PRDM16: variants seen among roughly 807,000 people sequenced by gnomAD.
The protein encoded by PRDM16 is histone-lysine N-methyltransferase PRDM16.
PRDM16 carries 23 observed loss-of-function variants against 110.6 expected under a neutral mutation model. The ratio of observed to expected loss-of-function variants is 0.21; its 90% CI spans 0.15 to 0.29. PRDM16 has a LOEUF of 0.29. PRDM16 is among the 10% of genes least tolerant of loss of function. PRDM16 has a pLI of 1.00. For synonymous variants in PRDM16, 799 were observed against 781.8 expected, an observed-to-expected ratio of 1.02 and a Z score of -0.37; for missense variants, 1,615 against 1,794.3, an observed-to-expected ratio of 0.90 and a Z score of 1.81.
At chr1:3,254,613 C>G (rs1025033669) in intron 3 of PRDM16, among the ~76,000 whole-genome samples, 1 of 152,138 alleles carries the variant, frequency 6.6e-6, no homozygotes, top group South Asian at 2.1e-4. Flanking sequence ...CATGAAGGAC[C>G]TCTTCAAGGA....
chr1:3,338,888 G>C (rs1334544078), intron 3 of PRDM16, among the ~76,000 whole-genome samples: 1 of 152,258 alleles, frequency 6.6e-6, no homozygotes, highest in East Asian at 1.9e-4. Flanking sequence ...AGCAGAGAAA[G>C]GGCTGTCTGA....
At chr1:3,280,671 C>T (rs1221845902) in intron 3 of PRDM16, among the ~76,000 whole-genome samples, 1 of 152,212 alleles carries the variant, frequency 6.6e-6, no homozygotes, top group Non-Finnish European at 1.5e-5. Context: ...GAACTAAGAC[C>T]TTCTCTGAGG....
intron 1 of PRDM16, among the ~76,000 whole-genome samples, chr1:3,086,130 G>C (rs1413650158): frequency 1.3e-5 from 2 of 151,802 alleles, no homozygotes; most frequent in East Asian, 3.9e-4. Flanking sequence ...CAAGGTCTCT[G>C]TCTACACACT....
intron 3 of PRDM16, among the ~76,000 whole-genome samples, chr1:3,366,616 G>A (rs1226200122): frequency 1.3e-5 from 2 of 152,162 alleles, no homozygotes; most frequent in African/African-American, 2.4e-5. Context: ...TGACAGCCCT[G>A]AGGACTAAAA....
chr1:3,331,508 G>A (rs2100489116), intron 3 of PRDM16, among the ~76,000 whole-genome samples: 1 of 152,298 alleles, frequency 6.6e-6, no homozygotes, highest in South Asian at 2.1e-4. Context: ...CCACTTCCAG[G>A]CTGAGTAACT....
intron 2 of PRDM16, among the ~76,000 whole-genome samples, chr1:3,230,802 A>G (rs1031521824): frequency 8.5e-5 from 13 of 152,134 alleles, no homozygotes; most frequent in Non-Finnish European, 1.5e-5. Flanking sequence ...GTGCGACCGC[A>G]CTGCAGCCTC....
rs563646038 is a variant in PRDM16, at chr1:3,117,213, G to A, written c.37+47917G>A. Among the ~76,000 whole-genome samples, 28 of 152,288 alleles carry A rather than the reference G, an allele frequency of 1.8e-4. No individual in the cohort carries two copies. In the East Asian group the frequency reaches 2.7e-3, roughly 15 times the overall value. On this transcript the variant is annotated intron_variant, in intron 1 of 16. Coordinates refer to ENST00000270722, the MANE Select transcript of PRDM16 (RefSeq NM_022114.4). The stretch of plus-strand genomic sequence containing the variant: ...GTCTCACACCGGCCTCTATGAGAGC[G>A]TCCCCAGGCTGACCCAGGCTTACAG...
chr1:3,353,371 C>T lies in PRDM16; in HGVS notation c.439-31781C>T, dbSNP rs1261773542. On this transcript the variant is annotated intron_variant, in intron 3 of 16. Transcript: ENST00000270722. This position sits in a 1 kb window ranked among gnomAD's most constrained non-coding sequence, Gnocchi z 5.4. ...GGGCCCTCATTGGGTGAGGGAGGCC[C>T]GGGGTATTTCTTGCCACATCTGAAA... Among the ~76,000 whole-genome samples, 5 of 152,322 alleles carry T rather than the reference C, an allele frequency of 3.3e-5. No individual in the cohort carries two copies. The highest frequency in any genetic ancestry group is 1.9e-4 in the East Asian group (1 of 5,168).
Position 3,265,943 on chromosome 1 carries a change from G to A in PRDM16, c.438+21806G>A, listed in dbSNP as rs538691973. 2.0e-5 allele frequency among the ~76,000 whole-genome samples: 3 copies of A among 152,116 alleles called. No homozygotes were observed. Among genetic ancestry groups the A allele is most frequent in the African/African-American group, 7.2e-5 (3 of 41,416 alleles). On this transcript the variant is annotated intron_variant, in intron 3 of 16. Coordinates refer to ENST00000270722, the MANE Select transcript of PRDM16 (RefSeq NM_022114.4). The surrounding 1 kb of genome is among the most constrained non-coding windows in gnomAD (Gnocchi z 4.5). ...GGTGCGTGTCTCATAAAGCCCAGGA[G>A]GGCGAGGCCAGGCCCAGCCCCCAAC...
At chr1:3,418,584 A>G in intron 11 of PRDM16, 83 bp from the exon 12 acceptor site, 3 of 937,874 alleles carry the variant, frequency 3.2e-6, no homozygotes, top group South Asian at 1.4e-5. Flanking sequence ...GACCCCGAGC[A>G]TTAGCTTGAA....
intron 1 of PRDM16, among the ~76,000 whole-genome samples, chr1:3,108,302 C>A (rs896190068): frequency 6.6e-6 from 1 of 152,222 alleles, no homozygotes; most frequent in Non-Finnish European, 1.5e-5. Flanking sequence ...CTTCAACCCA[C>A]CAATGGTGAA....
chr1:3,356,087 T>A (rs955777472), intron 3 of PRDM16, among the ~76,000 whole-genome samples: 2 of 152,204 alleles, frequency 1.3e-5, no homozygotes, highest in South Asian at 4.1e-4. Flanking sequence ...CCTTTCATGT[T>A]CTTCTGGAAA....
At chr1:3,154,737 C>A (rs1231067096) in intron 1 of PRDM16, among the ~76,000 whole-genome samples, 1 of 152,204 alleles carries the variant, frequency 6.6e-6, no homozygotes, top group Non-Finnish European at 1.5e-5. Flanking sequence ...TGTGGGCTGA[C>A]CGCTGCTGAC....
chr1:3,336,280 CTCTG>C (rs1458330904), intron 3 of PRDM16, among the ~76,000 whole-genome samples: 10 of 151,896 alleles, frequency 6.6e-5, no homozygotes, highest in Non-Finnish European at 4.4e-5. Context: ...GCATGTTTAT[CTCTG>C]TGTATGAGCA....
intron 2 of PRDM16, among the ~76,000 whole-genome samples, chr1:3,238,474 A>T (rs1639588297): frequency 6.6e-6 from 1 of 152,228 alleles, no homozygotes. Flanking sequence ...TTTAAAAAAA[A>T]TCATTTCTGT....
chr1:3,347,943 C>T (rs940566002), intron 3 of PRDM16, among the ~76,000 whole-genome samples: 4 of 152,098 alleles, frequency 2.6e-5, no homozygotes, highest in African/African-American at 9.7e-5. Flanking sequence ...AGCCCCAGAG[C>T]TGGTGCCGGG....
chr1:3,232,267 G>A (rs1163352012), intron 2 of PRDM16, among the ~76,000 whole-genome samples: 1 of 152,204 alleles, frequency 6.6e-6, no homozygotes, highest in Non-Finnish European at 1.5e-5. Flanking sequence ...GATAATGCCG[G>A]GTGGAGCTGC....
At chr1:3,292,840 G>C (rs112189634) in intron 3 of PRDM16, among the ~76,000 whole-genome samples, 13 of 152,340 alleles carry the variant, frequency 8.5e-5, no homozygotes, top group African/African-American at 3.1e-4. Context: ...TGAAACTCTT[G>C]TATCTTCGAA....
chr1:3,091,875 C>T (rs1012637394), intron 1 of PRDM16, among the ~76,000 whole-genome samples: 6 of 152,188 alleles, frequency 3.9e-5, no homozygotes, highest in Admixed American at 6.5e-5. Flanking sequence ...CTCCCTCTAA[C>T]GGGGGTGATG....
Sources: gnomAD v4.1 joint callset for allele counts (sites outside exome capture counted in the v4.1 genomes callset) on GRCh38, gnomAD v4.1.1 for gene constraint, Gnocchi (gnomAD v3.1) non-coding constraint, MANE v1.5 for transcripts, NCBI Gene and HGNC (gene_info 2026-07-23, HGNC 2026-07-21) for gene names.